Variants in RUNX1 observed in about 807,000 individuals in gnomAD.
RUNX1 encodes the protein runt-related transcription factor 1.
RUNX1 carries 19 observed loss-of-function variants against 42.8 expected under a neutral mutation model. That is an observed-to-expected ratio of 0.44 (90% CI 0.31 to 0.65). RUNX1 has a LOEUF of 0.65. Among genes scored for constraint, RUNX1 ranks in the 30% least tolerant of loss-of-function variants. The pLI, the probability that RUNX1 is intolerant of heterozygous loss-of-function variation, is 0.07. For synonymous variants in RUNX1, 271 were observed against 289.4 expected (o/e 0.94, Z 0.64); for missense variants, 528 against 672.0 (o/e 0.79, Z 2.37).
intron 2 of RUNX1, among the ~76,000 whole-genome samples, chr21:34,997,395 T>C (rs116204277): frequency 7.0e-4 from 106 of 152,244 alleles, no homozygotes; most frequent in African/African-American, 2.4e-3. Context: ...TGCCTATGAG[T>C]GTGTCTCTTC....
At chr21:34,814,376 T>C (rs2056797202) in intron 7 of RUNX1, among the ~76,000 whole-genome samples, 1 of 152,202 alleles carries the variant, frequency 6.6e-6, no homozygotes, top group South Asian at 2.1e-4. Context: ...GATCACACTG[T>C]CACCTGTGTG....
chr21:34,889,614 G>T, intron 3 of RUNX1: 1 of 1,048,432 alleles, frequency 9.5e-7, no homozygotes, highest in Non-Finnish European at 1.2e-6. Flanking sequence ...CGGCTCCCCG[G>T]AAGCGGCCCC....
intron 2 of RUNX1, among the ~76,000 whole-genome samples, chr21:35,041,485 G>A (rs1189429342): frequency 6.6e-6 from 1 of 151,966 alleles, no homozygotes; most frequent in African/African-American, 2.4e-5. Context: ...GGACACATAT[G>A]GACCATGGCA....
At chr21:34,964,413 G>A (rs975817019) in intron 2 of RUNX1, among the ~76,000 whole-genome samples, 5 of 151,614 alleles carry the variant, frequency 3.3e-5, no homozygotes, top group Admixed American at 6.6e-5. Context: ...GCTTGAACCC[G>A]GGAGGCAGAG....
At chr21:34,945,908 A>C (rs2058560144) in intron 2 of RUNX1, among the ~76,000 whole-genome samples, 1 of 152,296 alleles carries the variant, frequency 6.6e-6, no homozygotes, top group African/African-American at 2.4e-5. Context: ...GCCTCACCTC[A>C]TGATGAGTTT....
chr21:34,985,711 C>T (rs1459760657), intron 2 of RUNX1, among the ~76,000 whole-genome samples: 2 of 152,036 alleles, frequency 1.3e-5, no homozygotes, highest in Non-Finnish European at 2.9e-5. Flanking sequence ...GAATGGGGTA[C>T]ACACCTATTT....
At chr21:35,020,403 T>A (rs1013149955) in intron 2 of RUNX1, among the ~76,000 whole-genome samples, 1 of 152,176 alleles carries the variant, frequency 6.6e-6, no homozygotes, top group Non-Finnish European at 1.5e-5. Flanking sequence ...AGAAAGTGGC[T>A]CCTGAAGACA....
intron 2 of RUNX1, among the ~76,000 whole-genome samples, chr21:34,987,717 A>G (rs758284780): frequency 1.3e-5 from 2 of 152,226 alleles, no homozygotes; most frequent in South Asian, 2.1e-4. Context: ...AGAGCACCAA[A>G]GTATGTGGAA....
Position 34,887,100 on chromosome 21 carries a change from C to T in RUNX1, c.98-4G>A, listed in dbSNP as rs1053814127. Reference sequence around the variant, plus strand: ...AAGCGGCGGCTCGTGCTGGCATCTACGGGGATACGCATCACAACAAGCCGA... The same window carrying T: ...AAGCGGCGGCTCGTGCTGGCATCTATGGGGATACGCATCACAACAAGCCGA... On this transcript the variant is annotated splice_region_variant and splice_polypyrimidine_tract_variant and intron_variant, in intron 3 of 8. Transcript: ENST00000675419. 3 of 1,597,888 alleles carry T rather than the reference C, an allele frequency of 1.9e-6. No individual in the cohort carries two copies. Among genetic ancestry groups the T allele is most frequent in the Non-Finnish European group, 2.5e-6 (3 of 1,179,830 alleles).
At position 34,886,891 on chromosome 21, in the gene RUNX1, C is replaced by A. The variant is rs142472642; in HGVS notation, c.303G>T (p.Val101=). ...TGTTGCAGCGCCAGTGCGTAGGCAG[C>A]ACGGAGCAGAGGAAGTTGGGGCTGT... is the stretch of plus-strand genomic sequence containing the variant. ...RTDSPNFLCS[V]LPTHWRCNKT... is the part of the protein sequence containing the mutation. Residue 101 remains valine (V), a synonymous_variant, in exon 4 of 9, where the codon GTG becomes GTT. Transcript: ENST00000675419. 596 of 1,613,678 alleles carry A rather than the reference C, an allele frequency of 3.7e-4. No individual in the cohort carries two copies. The African/African-American group carries it at 7.0e-3, about 19-fold the overall frequency.
rs182026869 is a variant in RUNX1 at position 35,042,469 on chromosome 21, C to G, written c.58+6373G>C. ...CTGCTCCCAGCTACCTTCCTCTCTGCTTCCCTCCACTCTCCAGGCTGGAAA... is the reference window on the plus strand; with the variant it reads ...CTGCTCCCAGCTACCTTCCTCTCTGGTTCCCTCCACTCTCCAGGCTGGAAA... On this transcript the variant is annotated intron_variant, in intron 2 of 8. Coordinates refer to ENST00000675419, the MANE Select transcript of RUNX1 (RefSeq NM_001754.5). Among the ~76,000 whole-genome samples the G allele has an allele frequency of 2.7e-3, 404 of 152,356 alleles. 4 individuals are homozygous for G. The highest frequency in any genetic ancestry group is 9.0e-3 in the African/African-American group (375 of 41,584).
intron 6 of RUNX1, chr21:34,856,433 G>T (rs2057496038): frequency 1.9e-6 from 1 of 518,832 alleles, no homozygotes; most frequent in Non-Finnish European, 3.8e-6. Flanking sequence ...GGATACCGAG[G>T]CCAGGTCAAA....
At chr21:34,888,853 G>A (rs547506774) in intron 3 of RUNX1, among the ~76,000 whole-genome samples, 3 of 151,752 alleles carry the variant, frequency 2.0e-5, no homozygotes, top group African/African-American at 7.2e-5. Flanking sequence ...ATTGGCCCGC[G>A]CGCCCCCGCC....
intron 2 of RUNX1, among the ~76,000 whole-genome samples, chr21:35,035,369 T>G (rs2059300289): frequency 1.3e-5 from 2 of 151,604 alleles, no homozygotes; most frequent in Admixed American, 1.3e-4. Context: ...CCTGTAAAAC[T>G]CTCCTCCCCA....
At chr21:34,881,978 G>C (rs994968731) in intron 4 of RUNX1, among the ~76,000 whole-genome samples, 1 of 152,140 alleles carries the variant, frequency 6.6e-6, no homozygotes, top group Non-Finnish European at 1.5e-5. Flanking sequence ...AGTCAGTAGT[G>C]ACATTTATAT....
At chr21:34,960,939 C>T (rs987905157) in intron 2 of RUNX1, among the ~76,000 whole-genome samples, 2 of 152,154 alleles carry the variant, frequency 1.3e-5, no homozygotes, top group Admixed American at 6.5e-5. Context: ...GGAATTGTAT[C>T]ATCAGCTGAG....
chr21:34,921,004 G>C (rs2058349680), intron 2 of RUNX1, among the ~76,000 whole-genome samples: 1 of 152,178 alleles, frequency 6.6e-6, no homozygotes, highest in Admixed American at 6.5e-5. Context: ...GATTATAGGA[G>C]CCTGCCACCA....
intron 5 of RUNX1, among the ~76,000 whole-genome samples, chr21:34,875,235 A>G (rs1216705618): frequency 6.6e-6 from 1 of 152,204 alleles, no homozygotes; most frequent in Non-Finnish European, 1.5e-5. Context: ...CAGGGCAGGG[A>G]GCAACTTGCT....
At chr21:35,008,204 G>A (rs924742095) in intron 2 of RUNX1, among the ~76,000 whole-genome samples, 2 of 152,102 alleles carry the variant, frequency 1.3e-5, no homozygotes, top group South Asian at 4.1e-4. Flanking sequence ...AACAGAATTG[G>A]TTCATCTTCC....
Sources: gnomAD v4.1 joint callset for allele counts (sites outside exome capture counted in the v4.1 genomes callset) on GRCh38, gnomAD v4.1.1 for gene constraint, MANE v1.5 for transcripts, NCBI Gene and HGNC (gene_info 2026-07-23, HGNC 2026-07-21) for gene names.